Variants in PCDHA2 observed in about 807,000 individuals in gnomAD.
PCDHA2 encodes protocadherin alpha-2.
A neutral mutation model predicts 66.0 loss-of-function variants in PCDHA2; 58 were observed. The observed-to-expected ratio is 0.88, with a 90% CI of 0.71 to 1.09. The LOEUF is 1.09. PCDHA2 is among the 50% of genes least tolerant of loss of function. The pLI is 0.00. For synonymous variants in PCDHA2, 634 were observed against 554.0 expected, an observed-to-expected ratio of 1.14 and a Z score of -2.03; for missense variants, 1,267 against 1,242.3, an observed-to-expected ratio of 1.02 and a Z score of -0.30.
At chr5:140,966,854 C>G in intron 1 of PCDHA2, 1 of 1,573,744 alleles carries the variant, frequency 6.4e-7, no homozygotes, top group Non-Finnish European at 8.6e-7. Context: ...GCCTCTCCTG[C>G]TGCTGTTGCT....
chr5:140,862,832 C>A (rs1554157076), intron 1 of PCDHA2: 1 of 572,198 alleles, frequency 1.7e-6, no homozygotes, highest in South Asian at 1.4e-5. Context: ...GCGCGCGACG[C>A]GGGCATGCCG....
At chr5:140,919,614 T>C (rs1186816141) in intron 1 of PCDHA2, among the ~76,000 whole-genome samples, 1 of 152,212 alleles carries the variant, frequency 6.6e-6, no homozygotes, top group Non-Finnish European at 1.5e-5. Flanking sequence ...TTAAACTGTA[T>C]CTTTTGAGTT....
At chr5:140,843,834 G>C in intron 1 of PCDHA2, 1 of 1,102,920 alleles carries the variant, frequency 9.1e-7, no homozygotes, top group Non-Finnish European at 1.3e-6. Flanking sequence ...ACATTGTTTA[G>C]TTTTTAGAAA....
intron 1 of PCDHA2, among the ~76,000 whole-genome samples, chr5:140,973,856 C>G (rs1349378315): frequency 6.6e-6 from 1 of 152,166 alleles, no homozygotes; most frequent in Non-Finnish European, 1.5e-5. Context: ...CCAATTTTTG[C>G]TCTCAATGAG....
rs111233751 is a variant in PCDHA2, at chr5:140,887,119, C to T, written c.2388+89767C>T. On this transcript the variant is annotated intron_variant, in intron 1 of 3. Transcript: ENST00000526136. ...TTTATCTCTTTTTTTTTTTTTGAGA[C>T]GGAGTCTCACTCTGTCGCCCAGGCT... 6.0e-3 allele frequency among the ~76,000 whole-genome samples: 904 copies of T among 149,504 alleles called. 4 individuals are homozygous for T. The highest frequency in any genetic ancestry group is 0.014 in the Middle Eastern group (4 of 294).
chr5:140,822,930 C>T, intron 1 of PCDHA2: 10 of 1,614,266 alleles, frequency 6.2e-6, no homozygotes, highest in Non-Finnish European at 7.6e-6. Flanking sequence ...GGCAGGTGAC[C>T]TGCTCCCTAA....
intron 1 of PCDHA2, among the ~76,000 whole-genome samples, chr5:140,894,197 A>G (rs1378272032): frequency 6.6e-6 from 1 of 152,008 alleles, no homozygotes; most frequent in Admixed American, 6.6e-5. Context: ...TATTTTTTCT[A>G]TGCTATTATA....
At chr5:140,895,897 C>T (rs994708254) in intron 1 of PCDHA2, among the ~76,000 whole-genome samples, 25 of 152,240 alleles carry the variant, frequency 1.6e-4, no homozygotes, top group African/African-American at 5.3e-4. Flanking sequence ...CTGCAACCTC[C>T]GCGTCCCGGG....
At chr5:140,859,390 C>A (rs911308831) in intron 1 of PCDHA2, 1 of 268,118 alleles carries the variant, frequency 3.7e-6, no homozygotes, top group Non-Finnish European at 6.7e-6. Context: ...CTCTAGTCAT[C>A]TTAAACAGGG....
At chr5:140,884,130 C>G (rs1554181258) in intron 1 of PCDHA2, 4 of 1,613,434 alleles carry the variant, frequency 2.5e-6, no homozygotes, top group African/African-American at 1.3e-5. Context: ...GCGCGCATCC[C>G]GTTCCGCGTG....
At chr5:141,008,435 G>C (rs2098377041) in intron 3 of PCDHA2, among the ~76,000 whole-genome samples, 1 of 152,160 alleles carries the variant, frequency 6.6e-6, no homozygotes, top group South Asian at 2.1e-4. Context: ...ACTTTGCCCA[G>C]ACAGACCATT....
intron 1 of PCDHA2, among the ~76,000 whole-genome samples, chr5:140,922,833 T>C (rs1443634582): frequency 6.6e-6 from 1 of 152,332 alleles, no homozygotes; most frequent in Admixed American, 6.5e-5. Flanking sequence ...TGCTAATAGA[T>C]GTCCTCAAAG....
intron 3 of PCDHA2, among the ~76,000 whole-genome samples, chr5:140,989,984 C>T (rs907486922): frequency 3.3e-5 from 5 of 152,032 alleles, no homozygotes; most frequent in African/African-American, 1.2e-4. Context: ...ACAGCCCTGC[C>T]TGAAATTGTC....
chr5:140,871,484 A>G, intron 1 of PCDHA2: 1 of 1,592,270 alleles, frequency 6.3e-7, no homozygotes, highest in Non-Finnish European at 8.6e-7. Context: ...GGGTCAAATC[A>G]CCCCGGACAG....
rs2150351918 is a variant in PCDHA2, at chr5:140,843,075, TG to T, written c.2388+45726del. ...GCGAGCAAGCTGGTGCCGCGGTCTG[TG>T]GGCGCGGGCCACGTGGTAGCGAAGG... On this transcript the variant is annotated intron_variant, in intron 1 of 3. Coordinates refer to ENST00000526136, the MANE Select transcript of PCDHA2 (RefSeq NM_018905.3). 2.6e-5 allele frequency: 42 copies of T among 1,595,158 alleles called. 6 individuals carry two copies. Among genetic ancestry groups the T allele is most frequent in the Non-Finnish European group, 1.6e-5 (19 of 1,165,272 alleles).
chr5:140,997,384 A>T (rs2097769179), intron 3 of PCDHA2, among the ~76,000 whole-genome samples: 1 of 152,198 alleles, frequency 6.6e-6, no homozygotes, highest in South Asian at 2.1e-4. Context: ...AGCATACTAC[A>T]CACTTAGGCT....
At chr5:140,938,336 A>G (rs1251086891) in intron 1 of PCDHA2, among the ~76,000 whole-genome samples, 1 of 152,204 alleles carries the variant, frequency 6.6e-6, no homozygotes, top group African/African-American at 2.4e-5. Context: ...ATGTTAATGG[A>G]TAATCTTGTC....
At chr5:140,907,847 C>T (rs1332235262) in intron 1 of PCDHA2, among the ~76,000 whole-genome samples, 15 of 152,232 alleles carry the variant, frequency 9.9e-5, no homozygotes, top group African/African-American at 3.6e-4. Flanking sequence ...TAAAATCCTC[C>T]TCTGCTGAGG....
intron 1 of PCDHA2, among the ~76,000 whole-genome samples, chr5:140,890,392 T>C (rs2062624449): frequency 6.6e-6 from 1 of 152,212 alleles, no homozygotes; most frequent in Admixed American, 6.5e-5. Flanking sequence ...TTAGATAATC[T>C]ATAAATTTTA....
Sources: gnomAD v4.1 joint callset for allele counts (sites outside exome capture counted in the v4.1 genomes callset) on GRCh38, gnomAD v4.1.1 for gene constraint, MANE v1.5 for transcripts, NCBI Gene and HGNC (gene_info 2026-07-23, HGNC 2026-07-21) for gene names.